TRIM2: variants seen among roughly 807,000 people sequenced by gnomAD.
TRIM2 encodes the protein tripartite motif containing 2, also known as tripartite motif-containing protein 2.
In TRIM2, 20 loss-of-function variants were observed where a neutral mutation model predicts 75.2. The ratio of observed to expected loss-of-function variants is 0.27; its 90% confidence interval spans 0.19 to 0.39. TRIM2 has a LOEUF of 0.39. TRIM2 is among the 10% of genes least tolerant of loss of function. The pLI is 1.00. For synonymous variants in TRIM2, 373 were observed against 388.3 expected (o/e 0.96, Z 0.46); for missense variants, 660 against 990.8 (o/e 0.67, Z 4.48).
At chr4:153,293,619 C>T (rs1243999242) in intron 4 of TRIM2, among the ~76,000 whole-genome samples, 1 of 152,120 alleles carries the variant, frequency 6.6e-6, no homozygotes, top group African/African-American at 2.4e-5. Context: ...AATGAAAGAA[C>T]AGAGTAGCTG....
chr4:153,244,345 CTT>C (rs2149871754), intron 1 of TRIM2, among the ~76,000 whole-genome samples: 1 of 37,016 alleles, frequency 2.7e-5, no homozygotes, highest in Admixed American at 3.9e-4. Flanking sequence ...TCTTCTTCTT[CTT>C]CTTCTTCCTC....
upstream of TRIM2, among the ~76,000 whole-genome samples, chr4:153,201,239 C>T (rs552744909): frequency 2.0e-5 from 3 of 152,332 alleles, no homozygotes; most frequent in African/African-American, 7.2e-5. Context: ...GCTGGGATTA[C>T]AGGCGTGAGC....
chr4:153,186,696 C>T (rs1055972617), intron 1 of TRIM2, among the ~76,000 whole-genome samples: 5 of 152,210 alleles, frequency 3.3e-5, no homozygotes, highest in Admixed American at 2.6e-4. Context: ...GCCTTTCCCA[C>T]GCCTGCACCA....
chr4:153,273,947 G>A (rs577922020), intron 2 of TRIM2, among the ~76,000 whole-genome samples: 1 of 152,340 alleles, frequency 6.6e-6, no homozygotes, highest in East Asian at 1.9e-4. Flanking sequence ...TATAGTGAGT[G>A]AGAGGTGCTA....
chr4:153,319,977 AT>A (rs1673272442), intron 8 of TRIM2, among the ~76,000 whole-genome samples: 1 of 152,202 alleles, frequency 6.6e-6, no homozygotes, highest in Non-Finnish European at 1.5e-5. Context: ...TTTATTCTAG[AT>A]AATTATCCAT....
At chr4:153,257,745 G>A (rs1173223967) in intron 1 of TRIM2, 9 of 545,146 alleles carry the variant, frequency 1.7e-5, no homozygotes, top group South Asian at 1.3e-4. Flanking sequence ...TCGTTGGTTA[G>A]TCTGTTTGTC....
chr4:153,281,373 T>C (rs1192718662), intron 3 of TRIM2, among the ~76,000 whole-genome samples: 3 of 152,178 alleles, frequency 2.0e-5, no homozygotes, highest in African/African-American at 7.2e-5. Flanking sequence ...AGCTCAAAAA[T>C]TGGAAATAAT....
chr4:153,249,694 T>G (rs567476831), intron 1 of TRIM2, among the ~76,000 whole-genome samples: 1 of 152,338 alleles, frequency 6.6e-6, no homozygotes, highest in South Asian at 2.1e-4. Flanking sequence ...CCCGAACTCT[T>G]AAATCCCAGC....
intron 3 of TRIM2, among the ~76,000 whole-genome samples, chr4:153,287,687 A>G (rs1054852518): frequency 9.9e-5 from 15 of 152,204 alleles, no homozygotes; most frequent in Non-Finnish European, 1.6e-4. Context: ...TTTCAATAGT[A>G]TGTAAAATCC....
At chr4:153,235,076 G>A (rs932565916) in intron 1 of TRIM2, among the ~76,000 whole-genome samples, 1 of 152,018 alleles carries the variant, frequency 6.6e-6, no homozygotes, top group Non-Finnish European at 1.5e-5. Context: ...TGCCTTGAAT[G>A]CTTGTTCCAC....
At position 153,322,951 on chromosome 4, in the gene TRIM2, C is replaced by T; in HGVS notation, c.1951+135C>T. The T allele has an allele frequency of 2.4e-6, 3 of 1,245,958 alleles. No homozygotes were observed. In the Admixed American group the frequency reaches 7.4e-5, roughly 31 times the overall value. The allele number at this position is 1,245,958 out of a possible 1,614,324, so 77.2% of individuals were successfully genotyped here. A position where few individuals can be genotyped will look rare whatever the true frequency, so the allele number is the denominator to read the frequency against. On this transcript the variant is annotated intron_variant, in intron 9 of 11. Transcript: ENST00000338700. ...TTGGGAAAGATGCTGGGGATAAAAT[C>T]TAAGCAAAAGCATGTTTCGTTGCTT... is the stretch of plus-strand genomic sequence containing the variant.
At chr4:153,188,051 T>C (rs976037153) in intron 1 of TRIM2, among the ~76,000 whole-genome samples, 1 of 152,190 alleles carries the variant, frequency 6.6e-6, no homozygotes, top group African/African-American at 2.4e-5. Flanking sequence ...CAGCCAAGCT[T>C]TCCCATATCT....
intron 1 of TRIM2, among the ~76,000 whole-genome samples, chr4:153,158,857 G>T (rs1299767480): frequency 6.6e-6 from 1 of 152,238 alleles, no homozygotes; most frequent in South Asian, 2.1e-4. Context: ...AACAGCTTGA[G>T]CAGTGGCTCA....
Position 153,295,873 on chromosome 4 carries a change from C to T in TRIM2, c.1347C>T (p.Ile449=). ...GCAGCCCGTTTAAGCTGAAAGTGAT[C>T]CGATCCGCTGATGTGTCTCCCACCA... The part of the protein sequence containing the change: ...IRGSPFKLKV[I]RSADVSPTTE... The change falls in exon 6 of 12, where the codon ATC becomes ATT. Residue 449 remains isoleucine (I), a synonymous_variant. Coordinates refer to ENST00000338700, the MANE Select transcript of TRIM2 (RefSeq NM_015271.5). This position sits in a 1 kb window ranked among gnomAD's most constrained non-coding sequence, Gnocchi z 7.2. 1 of 1,613,964 alleles carries T rather than the reference C, an allele frequency of 6.2e-7. No homozygotes were observed. Among genetic ancestry groups the T allele is most frequent in the Non-Finnish European group, 8.5e-7 (1 of 1,179,934 alleles).
chr4:153,167,527 A>G (rs944411941), intron 1 of TRIM2, among the ~76,000 whole-genome samples: 9 of 152,304 alleles, frequency 5.9e-5, no homozygotes, highest in African/African-American at 1.9e-4. Flanking sequence ...GCAAAGAAAC[A>G]ATGTTTATTT....
chr4:153,311,322 CTAGTA>C (rs1766244055), intron 6 of TRIM2, among the ~76,000 whole-genome samples: 1 of 152,146 alleles, frequency 6.6e-6, no homozygotes, highest in African/African-American at 2.4e-5. Flanking sequence ...ACCTCCTTGA[CTAGTA>C]CTAAAGCACT....
intron 1 of TRIM2, among the ~76,000 whole-genome samples, chr4:153,191,229 A>G (rs76899670): frequency 0.18 from 26,908 of 152,268 alleles, 2,964 homozygotes; most frequent in Non-Finnish European, 0.26. Flanking sequence ...AAAAAGTCCA[A>G]TGATGGGCTT....
chr4:153,210,365 T>C (rs1736657515), intron 1 of TRIM2, among the ~76,000 whole-genome samples: 1 of 152,122 alleles, frequency 6.6e-6, no homozygotes, highest in South Asian at 2.1e-4. Flanking sequence ...GTGCCTGGGC[T>C]GGGTGACTTA....
At chr4:153,184,440 A>G (rs1447130755) in intron 1 of TRIM2, among the ~76,000 whole-genome samples, 1 of 152,104 alleles carries the variant, frequency 6.6e-6, no homozygotes, top group African/African-American at 2.4e-5. Flanking sequence ...GTTTAACTTA[A>G]TTACTTCCTT....
Sources: gnomAD v4.1 joint callset for allele counts (sites outside exome capture counted in the v4.1 genomes callset) on GRCh38, gnomAD v4.1.1 for gene constraint, Gnocchi (gnomAD v3.1) non-coding constraint, MANE v1.5 for transcripts, NCBI Gene and HGNC (gene_info 2026-07-23, HGNC 2026-07-21) for gene names.